Variants in STT3B observed in about 807,000 individuals in gnomAD.
The protein encoded by STT3B is dolichyl-diphosphooligosaccharide--protein glycosyltransferase subunit STT3B.
Under a neutral mutation model 96.8 loss-of-function variants are expected in STT3B, and 29 were observed. That is an observed-to-expected ratio of 0.30 (90% CI 0.22 to 0.41). The LOEUF (loss-of-function observed/expected upper bound fraction) is 0.41, where lower values mean the gene tolerates loss of function less well. STT3B is among the 10% of genes least tolerant of loss of function. The probability of loss-of-function intolerance (pLI) is 1.00; values close to 1 mark genes in which losing one functional copy is unlikely to be tolerated. For missense variants in STT3B, 640 were observed against 1,022.3 expected (o/e 0.63, Z 5.10); for synonymous variants, 367 against 360.0 (o/e 1.02, Z -0.22).
chr3:31,574,597 T>C (rs1418405959), intron 1 of STT3B, among the ~76,000 whole-genome samples: 3 of 152,144 alleles, frequency 2.0e-5, no homozygotes, highest in Non-Finnish European at 2.9e-5. Context: ...TAAATACTTC[T>C]TGGAAGAGGA....
chr3:31,550,640 TTATG>T (rs762319260), intron 1 of STT3B, among the ~76,000 whole-genome samples: 6 of 152,340 alleles, frequency 3.9e-5, no homozygotes, highest in Admixed American at 6.5e-5. Context: ...TGATAGGAAT[TTATG>T]TAATCATATT....
intron 8 of STT3B, among the ~76,000 whole-genome samples, chr3:31,618,874 GTAA>G (rs1699368779): frequency 6.6e-6 from 1 of 151,780 alleles, no homozygotes; most frequent in African/African-American, 2.4e-5. Flanking sequence ...ATATTATAAA[GTAA>G]TAATATAACT....
rs114029927 is a variant in STT3B, at chr3:31,592,569, A to G, written c.712-4229A>G. The stretch of plus-strand genomic sequence containing the variant: ...TCCCACCGACACTGCACAAAGGTTT[A>G]ATTTTTCCCTGTCCTTGTCAACACA... On this transcript the variant is annotated intron_variant, in intron 3 of 15. Transcript: ENST00000295770. Among the ~76,000 whole-genome samples, 654 of 152,260 alleles carry G rather than the reference A, an allele frequency of 4.3e-3. 4 individuals carry two copies. The highest frequency in any genetic ancestry group is 0.014 in the Middle Eastern group (4 of 294).
Position 31,616,729 on chromosome 3 carries a change from GA to G in STT3B, c.977-187del, listed in dbSNP as rs377008239. Reference sequence around the variant, plus strand: ...ATGTGTAAGGAGTCTGATCATTTAGGAAAAAAAAAAAAAGTCACAGAATTTT... The same window carrying G: ...ATGTGTAAGGAGTCTGATCATTTAGGAAAAAAAAAAAAGTCACAGAATTTT... On this transcript the variant is annotated intron_variant, in intron 6 of 15. Transcript: ENST00000295770. Among the ~76,000 whole-genome samples the G allele has an allele frequency of 3.9e-3, 540 of 137,994 alleles. 1 individual carries two copies. Among genetic ancestry groups the G allele is most frequent in the African/African-American group, 0.011 (407 of 37,832 alleles). The allele number at this position is 137,994 out of a possible 152,430, so 90.5% of individuals were successfully genotyped here. A position where few individuals can be genotyped will look rare whatever the true frequency, so the allele number is the denominator to read the frequency against.
In STT3B at chr3:31,619,555, AT is replaced by A. The variant is rs1353734946; in HGVS notation, c.1173-118del. Reference sequence around the variant, plus strand: ...TATAACTGGTTACCTTGGAAGGTATATTTAAATAAGAAGGGGTAGGGAGTAG... The same window carrying A: ...TATAACTGGTTACCTTGGAAGGTATATTAAATAAGAAGGGGTAGGGAGTAG... On this transcript the variant is annotated intron_variant, in intron 8 of 15. Coordinates refer to ENST00000295770, the MANE Select transcript of STT3B (RefSeq NM_178862.3). The A allele has an allele frequency of 2.9e-5, 23 of 786,802 alleles. No individual in the cohort carries two copies. In the African/African-American group the frequency reaches 3.9e-4, roughly 13 times the overall value. 48.7% of individuals were successfully genotyped at this position (786,802 alleles called of 1,614,324 possible).
At chr3:31,572,579 T>G (rs1343125087) in intron 1 of STT3B, among the ~76,000 whole-genome samples, 2 of 152,228 alleles carry the variant, frequency 1.3e-5, no homozygotes, top group Non-Finnish European at 2.9e-5. Flanking sequence ...AAAATATTCT[T>G]GGCCTGGTGC....
At chr3:31,634,417 T>TC (rs1373246592) in intron 15 of STT3B, among the ~76,000 whole-genome samples, 1 of 152,200 alleles carries the variant, frequency 6.6e-6, no homozygotes, top group Non-Finnish European at 1.5e-5. Context: ...CCCATCATTT[T>TC]CCCCAAATAA....
At chr3:31,588,630 T>A (rs1286221291) in intron 3 of STT3B, among the ~76,000 whole-genome samples, 1 of 152,110 alleles carries the variant, frequency 6.6e-6, no homozygotes, top group Non-Finnish European at 1.5e-5. Flanking sequence ...CAGTGTTGTT[T>A]TCTAGAAAGT....
At chr3:31,556,311 T>C (rs1697710137) in intron 1 of STT3B, among the ~76,000 whole-genome samples, 1 of 152,186 alleles carries the variant, frequency 6.6e-6, no homozygotes, top group Non-Finnish European at 1.5e-5. Context: ...GTTGATGGAC[T>C]CCTAGGTTGA....
intron 1 of STT3B, among the ~76,000 whole-genome samples, chr3:31,540,516 C>G (rs1341720412): frequency 6.6e-6 from 1 of 152,032 alleles, no homozygotes; most frequent in African/African-American, 2.4e-5. Context: ...CAAGTAAAGA[C>G]TTTTCTCCCC....
chr3:31,636,840 C>T lies in STT3B; in HGVS notation c.*776C>T, dbSNP rs182502347. 2.6e-5 allele frequency: 4 copies of T among 152,182 alleles called. No individual in the cohort carries two copies. The highest frequency in any genetic ancestry group is 2.1e-4 in the South Asian group (1 of 4,816). 9.4% of individuals were successfully genotyped at this position (152,182 alleles called of 1,614,324 possible). ...CTACACAGGATGTTGCTTACCAGGA[C>T]GGAGTTTTGGTATCTTAGTACTGAA... On this transcript the variant is annotated 3_prime_UTR_variant, in exon 16 of 16. Transcript: ENST00000295770.
Position 31,579,968 on chromosome 3 carries a change from C to A in STT3B, c.583C>A (p.Gln195Lys). ...TFLLTRELWNQGAGLLAACFI... is the reference protein window; with the variant it reads ...TFLLTRELWNKGAGLLAACFI... Reference sequence around the variant, plus strand: ...CCTGCTTACAAGAGAACTTTGGAACCAAGGAGCAGGACTTTTAGCTGCTTG... The same window carrying A: ...CCTGCTTACAAGAGAACTTTGGAACAAAGGAGCAGGACTTTTAGCTGCTTG... Residue 195 changes from glutamine to lysine, a missense_variant, in exon 3 of 16, where the codon CAA becomes AAA. By Grantham distance (53) the Gln-to-Lys change is moderately conservative. Transcript: ENST00000295770. 1.2e-6 allele frequency: 2 copies of A among 1,613,848 alleles called. No individual in the cohort carries two copies. Among genetic ancestry groups the A allele is most frequent in the Non-Finnish European group, 1.7e-6 (2 of 1,179,828 alleles).
At chr3:31,584,511 A>C (rs906774162) in intron 3 of STT3B, among the ~76,000 whole-genome samples, 1 of 152,132 alleles carries the variant, frequency 6.6e-6, no homozygotes, top group Non-Finnish European at 1.5e-5. Context: ...TTTTTGTAGA[A>C]TACAATATGG....
At chr3:31,605,623 G>T (rs1412329959) in intron 5 of STT3B, among the ~76,000 whole-genome samples, 1 of 152,170 alleles carries the variant, frequency 6.6e-6, no homozygotes, top group Non-Finnish European at 1.5e-5. Context: ...AGATTGTGAG[G>T]CCTCCCAGCC....
chr3:31,604,606 G>T (rs1308893537), intron 5 of STT3B, among the ~76,000 whole-genome samples: 3 of 152,140 alleles, frequency 2.0e-5, no homozygotes, highest in Non-Finnish European at 2.9e-5. Context: ...ATGATACAAA[G>T]ATGAATAAAA....
intron 1 of STT3B, among the ~76,000 whole-genome samples, chr3:31,550,776 T>A (rs1697533033): frequency 6.6e-6 from 1 of 152,164 alleles, no homozygotes; most frequent in African/African-American, 2.4e-5. Flanking sequence ...TTAGGCTGTT[T>A]TTTTCGTTCT....
intron 3 of STT3B, among the ~76,000 whole-genome samples, chr3:31,586,427 A>G (rs1414080295): frequency 6.6e-6 from 1 of 152,078 alleles, no homozygotes; most frequent in East Asian, 1.9e-4. Context: ...TTTTTTTTCA[A>G]TAGATCTTGC....
In STT3B at chr3:31,629,284, T is replaced by C. The variant is rs1222287151; in HGVS notation, c.2074-14T>C. 1.4e-6 allele frequency: 2 copies of C among 1,441,822 alleles called. No individual in the cohort carries two copies. Among genetic ancestry groups the C allele is most frequent in the Admixed American group, 1.7e-5 (1 of 57,558 alleles). The allele number at this position is 1,441,822 out of a possible 1,614,324, so 89.3% of individuals were successfully genotyped here. A position where few individuals can be genotyped will look rare whatever the true frequency, so the allele number is the denominator to read the frequency against. The stretch of plus-strand genomic sequence containing the variant: ...ACTTGAACTAACATAGAACTTGTGG[T>C]TTCTTTCTTGTAGGAAAGTGACTAT... On this transcript the variant is annotated splice_polypyrimidine_tract_variant and intron_variant, in intron 13 of 15. Transcript: ENST00000295770.
At chr3:31,562,127 G>A (rs1163253833) in intron 1 of STT3B, among the ~76,000 whole-genome samples, 1 of 152,176 alleles carries the variant, frequency 6.6e-6, no homozygotes, top group Admixed American at 6.5e-5. Context: ...CAGGTGGCCT[G>A]CTTAGGTGCT....
Sources: gnomAD v4.1 joint callset for allele counts (sites outside exome capture counted in the v4.1 genomes callset) on GRCh38, gnomAD v4.1.1 for gene constraint, MANE v1.5 for transcripts, NCBI Gene and HGNC (gene_info 2026-07-23, HGNC 2026-07-21) for gene names.